GNG12: variants seen among roughly 807,000 people sequenced by gnomAD.
GNG12 encodes G protein subunit gamma 12.
For synonymous variants in GNG12, 28 were observed against 29.7 expected, an observed-to-expected ratio of 0.94 and a Z score of 0.19; for missense variants, 69 against 83.8, an observed-to-expected ratio of 0.82 and a Z score of 0.69.
chr1:67,726,402 G>A (rs1481964453), intron 2 of GNG12, among the ~76,000 whole-genome samples: 2 of 152,142 alleles, frequency 1.3e-5, no homozygotes, highest in Non-Finnish European at 1.5e-5. Context: ...TGACAGCTTT[G>A]TCATTCTTTT....
intron 1 of GNG12, among the ~76,000 whole-genome samples, chr1:67,798,931 C>T (rs568038341): frequency 1.6e-4 from 25 of 151,706 alleles, no homozygotes; most frequent in Middle Eastern, 3.4e-3. Flanking sequence ...TCCAGCCTGG[C>T]GGCAGAGCAA....
intron 1 of GNG12, among the ~76,000 whole-genome samples, chr1:67,807,963 G>A (rs1471081579): frequency 6.6e-6 from 1 of 152,028 alleles, no homozygotes; most frequent in Non-Finnish European, 1.5e-5. Context: ...CTCATTCTAT[G>A]AGGCTAACAC....
intron 2 of GNG12, among the ~76,000 whole-genome samples, chr1:67,750,072 CA>C (rs1430227457): frequency 6.6e-6 from 1 of 152,218 alleles, no homozygotes; most frequent in Non-Finnish European, 1.5e-5. Context: ...AGCCTGCCAA[CA>C]ACCTATCTTC....
At chr1:67,767,199 G>A (rs1646645637) in intron 2 of GNG12, among the ~76,000 whole-genome samples, 1 of 152,116 alleles carries the variant, frequency 6.6e-6, no homozygotes, top group African/African-American at 2.4e-5. Flanking sequence ...TGTCCAGCCT[G>A]CCACCACTGG....
intron 1 of GNG12, among the ~76,000 whole-genome samples, chr1:67,815,416 T>A (rs1402012756): frequency 6.6e-6 from 1 of 152,148 alleles, no homozygotes; most frequent in African/African-American, 2.4e-5. Flanking sequence ...TGAGTAACAC[T>A]CATGTCCCAG....
At chr1:67,767,674 C>T (rs1646649274) in intron 2 of GNG12, among the ~76,000 whole-genome samples, 1 of 152,192 alleles carries the variant, frequency 6.6e-6, no homozygotes, top group South Asian at 2.1e-4. Context: ...TATTTTCAGT[C>T]CTTGTAAAAA....
chr1:67,758,298 C>CACATTAGAATA (rs1646581882), intron 2 of GNG12, among the ~76,000 whole-genome samples: 1 of 152,200 alleles, frequency 6.6e-6, no homozygotes, highest in Non-Finnish European at 1.5e-5. Flanking sequence ...CCTATTGCAG[C>CACATTAGAATA]AACACATTAG....
intron 1 of GNG12, among the ~76,000 whole-genome samples, chr1:67,799,584 T>C (rs1375018580): frequency 6.6e-6 from 1 of 152,220 alleles, no homozygotes; most frequent in Non-Finnish European, 1.5e-5. Flanking sequence ...TGTTTACAGA[T>C]AGTTCTATTA....
intron 1 of GNG12, among the ~76,000 whole-genome samples, chr1:67,791,618 A>G (rs961622866): frequency 6.6e-6 from 1 of 152,084 alleles, no homozygotes; most frequent in Non-Finnish European, 1.5e-5. Context: ...ATATCCCATC[A>G]ATCAGCAAAT....
chr1:67,798,558 C>T (rs765462582), intron 1 of GNG12, among the ~76,000 whole-genome samples: 2 of 152,114 alleles, frequency 1.3e-5, no homozygotes, highest in East Asian at 1.9e-4. Context: ...TCTGCCACCC[C>T]GAGACAGCGA....
intron 1 of GNG12, among the ~76,000 whole-genome samples, chr1:67,779,279 CAT>C (rs1646723888): frequency 6.6e-6 from 1 of 152,202 alleles, no homozygotes; most frequent in African/African-American, 2.4e-5. Context: ...CAGACCCCCA[CAT>C]GTGAGCTTTC....
At chr1:67,787,277 C>T (rs2100778399) in intron 1 of GNG12, among the ~76,000 whole-genome samples, 1 of 151,932 alleles carries the variant, frequency 6.6e-6, no homozygotes. Context: ...CAGGGTTTAC[C>T]ACAAGAGGAA....
rs1486584407 is a variant in GNG12, at chr1:67,707,621, T to A, written c.66A>T (p.Arg22Ser). The change falls in exon 3 of 4, where the codon AGA (arginine) becomes AGT (serine). Residue 22 changes from arginine to serine, a missense_variant. Physicochemically the swap from Arg to Ser is moderately radical, Grantham distance 110 (BLOSUM62 -1). Coordinates refer to ENST00000370982, the MANE Select transcript of GNG12 (RefSeq NM_018841.6). Reference sequence around the variant, plus strand: ...TTATTCTTTCAATGGAGGCTTCTAATCTTAACTGCTGCACAGTTCTCCTTG... The same window carrying A: ...TTATTCTTTCAATGGAGGCTTCTAAACTTAACTGCTGCACAGTTCTCCTTG... ...AQARRTVQQL[R>S]LEASIERIKV... The A allele has an allele frequency of 6.2e-7, 1 of 1,601,198 alleles. No individual in the cohort carries two copies. Among genetic ancestry groups the A allele is most frequent in the Admixed American group, 1.7e-5 (1 of 58,726 alleles).
intron 2 of GNG12, among the ~76,000 whole-genome samples, chr1:67,734,963 C>A (rs1187810208): frequency 6.6e-6 from 1 of 152,168 alleles, no homozygotes; most frequent in Non-Finnish European, 1.5e-5. Context: ...AAGCAATTCT[C>A]CTGCTTCAGC....
At chr1:67,709,991 TA>T (rs1646278111) in intron 2 of GNG12, among the ~76,000 whole-genome samples, 1 of 47,480 alleles carries the variant, frequency 2.1e-5, no homozygotes, top group African/African-American at 8.1e-5. Flanking sequence ...TATATAGTTA[TA>T]TATATAGTTA....
chr1:67,814,397 A>C (rs915818174), intron 1 of GNG12, among the ~76,000 whole-genome samples: 5 of 152,232 alleles, frequency 3.3e-5, no homozygotes, highest in African/African-American at 1.2e-4. Context: ...CAGTCAACTA[A>C]AGGCATAATA....
intron 3 of GNG12, 30 bp from the exon 4 acceptor site, chr1:67,705,606 A>T (rs1216260232): frequency 6.3e-7 from 1 of 1,590,456 alleles, no homozygotes; most frequent in Non-Finnish European, 8.5e-7. Flanking sequence ...AACAAACAAG[A>T]AAGAAAATAT....
chr1:67,801,305 A>G (rs925128285), intron 1 of GNG12, among the ~76,000 whole-genome samples: 1 of 152,222 alleles, frequency 6.6e-6, no homozygotes, highest in African/African-American at 2.4e-5. Context: ...TGGTCAGCAC[A>G]TGGAAAGCAC....
At chr1:67,761,424 A>T (rs1646603980) in intron 2 of GNG12, among the ~76,000 whole-genome samples, 1 of 152,158 alleles carries the variant, frequency 6.6e-6, no homozygotes, top group South Asian at 2.1e-4. Context: ...GTTCTGTCTG[A>T]TTTTGTTGAA....
Sources: allele counts gnomAD v4.1 joint callset (sites outside exome capture counted in the v4.1 genomes callset), GRCh38; gene constraint gnomAD v4.1.1; transcripts MANE v1.5; gene names NCBI Gene and HGNC (gene_info 2026-07-23, HGNC 2026-07-21).